TNS3: variants seen among roughly 807,000 people sequenced by gnomAD.
The protein encoded by TNS3 is tensin 3.
A neutral mutation model predicts 140.9 loss-of-function variants in TNS3; 45 were observed. The observed-to-expected ratio is 0.32, with a 90% CI of 0.25 to 0.41. TNS3 has a LOEUF of 0.41. Ranked by LOEUF, TNS3 falls within the 10% of genes least tolerant of loss-of-function variation. The probability of loss-of-function intolerance (pLI) is 1.00; values close to 1 mark genes in which losing one functional copy is unlikely to be tolerated. For missense variants in TNS3, 1,716 were observed against 1,906.7 expected, an observed-to-expected ratio of 0.90 and a Z score of 1.86; for synonymous variants, 815 against 788.4, an observed-to-expected ratio of 1.03 and a Z score of -0.56.
chr7:47,544,009 C>T (rs978610875), intron 1 of TNS3, among the ~76,000 whole-genome samples: 2 of 152,194 alleles, frequency 1.3e-5, no homozygotes, highest in African/African-American at 4.8e-5. Flanking sequence ...ATAAAAAATG[C>T]TTTCCTTACA....
intron 30 of TNS3, 197 bp downstream of exon 30, chr7:47,279,967 A>G (rs1785054721): frequency 1.5e-6 from 1 of 649,366 alleles, no homozygotes; most frequent in Non-Finnish European, 2.7e-6. Flanking sequence ...CATCCAGCCA[A>G]CAGCCGGCAG....
chr7:47,424,362 G>A (rs567078656), intron 9 of TNS3, among the ~76,000 whole-genome samples, 178 bp from the exon 10 acceptor site: 84 of 152,268 alleles, frequency 5.5e-4, no homozygotes, highest in African/African-American at 1.9e-3. Flanking sequence ...CATTTCCCCC[G>A]CAGGAATATG....
chr7:47,470,795 G>A (rs1796917914), intron 4 of TNS3: 1 of 247,842 alleles, frequency 4.0e-6, no homozygotes, highest in South Asian at 1.5e-4. Context: ...GGGTTAATAT[G>A]TTCCCTGCTG....
At chr7:47,440,488 G>A (rs1057506909) in intron 5 of TNS3, among the ~76,000 whole-genome samples, 7 of 152,200 alleles carry the variant, frequency 4.6e-5, no homozygotes, top group African/African-American at 1.7e-4. Flanking sequence ...GACTGTGGAG[G>A]AGGGAAGAGG....
At position 47,529,230 on chromosome 7, in the gene TNS3, T is replaced by C. The variant is rs1193614393; in HGVS notation, c.-264-83A>G. Reference sequence around the variant, plus strand: ...CTTTTCATTTAAGGGAAATAATAAATCTAGTGGAATTGTAAAGAGCAAAAA... The same window carrying C: ...CTTTTCATTTAAGGGAAATAATAAACCTAGTGGAATTGTAAAGAGCAAAAA... On this transcript the variant is annotated intron_variant, in intron 1 of 30. Coordinates refer to ENST00000311160, the MANE Select transcript of TNS3 (RefSeq NM_022748.12). The C allele has an allele frequency of 5.2e-6, 4 of 762,872 alleles. No individual in the cohort carries two copies. The East Asian group carries it at 2.6e-4, about 50-fold the overall frequency. 47.3% of individuals were successfully genotyped at this position (762,872 alleles called of 1,614,324 possible). A position where few individuals can be genotyped will look rare whatever the true frequency, so the allele number is the denominator to read the frequency against.
intron 16 of TNS3, among the ~76,000 whole-genome samples, chr7:47,392,299 T>C (rs887743055): frequency 6.6e-6 from 1 of 152,060 alleles, no homozygotes; most frequent in African/African-American, 2.4e-5. Flanking sequence ...TTGGAACGGA[T>C]TCAAGGCCGG....
rs1792105937 is a variant in TNS3 at position 47,386,883 on chromosome 7, C to T, written c.1024+9917G>A. ...AGCTGGATGTTTTACATAAAATATC[C>T]CTGCAATCTGTGCTATGTTAAAAAA... On this transcript the variant is annotated intron_variant, in intron 16 of 30. Transcript: ENST00000311160. Among the ~76,000 whole-genome samples the T allele has an allele frequency of 3.9e-5, 6 of 152,162 alleles. No homozygotes were observed. In the South Asian group the frequency reaches 1.2e-3, roughly 32 times the overall value.
intron 1 of TNS3, among the ~76,000 whole-genome samples, chr7:47,530,838 A>AAAAAAAAAAAAAAAAATATATATATATAT: frequency 2.2e-4 from 12 of 54,540 alleles, no homozygotes; most frequent in Non-Finnish European, 3.6e-4. Flanking sequence ...AAAAAAAAAA[A>AAAAAAAAAAAAAAAAATATATATATATAT]ATATATATAT....
At chr7:47,292,759 T>A in intron 26 of TNS3, 69 bp downstream of exon 26, 1 of 1,371,242 alleles carries the variant, frequency 7.3e-7, no homozygotes. Context: ...TCTTCATGGA[T>A]CTCTAAAACC....
At chr7:47,299,147 T>G (rs144367534) in intron 23 of TNS3, among the ~76,000 whole-genome samples, 174 of 152,318 alleles carry the variant, frequency 1.1e-3, no homozygotes, top group African/African-American at 4.1e-3. Context: ...TTAATTTTTA[T>G]TTTTTTGAGA....
chr7:47,472,015 G>A (rs1298359429), intron 4 of TNS3, among the ~76,000 whole-genome samples: 1 of 152,204 alleles, frequency 6.6e-6, no homozygotes, highest in Non-Finnish European at 1.5e-5. Flanking sequence ...CCTTCTGAGA[G>A]CCCCAGGGAG....
At chr7:47,534,039 C>A (rs6964063) in intron 1 of TNS3, among the ~76,000 whole-genome samples, 51,267 of 151,822 alleles carry the variant, frequency 0.34, 8,985 homozygotes, top group East Asian at 0.47. Flanking sequence ...TTTGGGACGC[C>A]GAGGCGGGTT....
intron 30 of TNS3, chr7:47,278,961 C>T (rs1460196688): frequency 1.3e-5 from 2 of 152,076 alleles, no homozygotes; most frequent in East Asian, 3.9e-4. Context: ...TAGCAGTTTC[C>T]GCATCATGAA....
intron 20 of TNS3, among the ~76,000 whole-genome samples, chr7:47,323,324 G>T (rs147138884): frequency 1.3e-5 from 2 of 152,130 alleles, no homozygotes; most frequent in Admixed American, 1.3e-4. Flanking sequence ...ACATGCTTCC[G>T]GTACTGAAAG....
chr7:47,537,239 C>A (rs1232056171), intron 1 of TNS3, among the ~76,000 whole-genome samples: 3 of 152,138 alleles, frequency 2.0e-5, no homozygotes, highest in Non-Finnish European at 4.4e-5. Context: ...AAATGGCCAA[C>A]ACGGGAGGGG....
chr7:47,291,427 G>A (rs779228362), intron 27 of TNS3, among the ~76,000 whole-genome samples: 9 of 152,154 alleles, frequency 5.9e-5, no homozygotes, highest in Non-Finnish European at 1.2e-4. Context: ...GAGGCTATGC[G>A]TGTATATGGT....
intron 2 of TNS3, among the ~76,000 whole-genome samples, chr7:47,515,335 G>A (rs986727238): frequency 2.0e-5 from 3 of 152,044 alleles, no homozygotes; most frequent in African/African-American, 7.2e-5. Flanking sequence ...ATCACCATCA[G>A]TATCATCACG....
At chr7:47,380,763 C>A (rs771754084) in intron 16 of TNS3, among the ~76,000 whole-genome samples, 1 of 140,684 alleles carries the variant, frequency 7.1e-6, no homozygotes, top group Admixed American at 7.0e-5. Context: ...CACATATGCA[C>A]GCGCGCGCAC....
intron 24 of TNS3, among the ~76,000 whole-genome samples, chr7:47,295,547 T>G (rs1190365768): frequency 6.6e-6 from 1 of 152,232 alleles, no homozygotes; most frequent in African/African-American, 2.4e-5. Context: ...CTTCTTATGC[T>G]GGAATTCTGG....
Sources: gnomAD v4.1 joint callset for allele counts (sites outside exome capture counted in the v4.1 genomes callset) on GRCh38, gnomAD v4.1.1 for gene constraint, MANE v1.5 for transcripts, NCBI Gene and HGNC (gene_info 2026-07-23, HGNC 2026-07-21) for gene names.